Variants in DCP1B observed in about 807,000 individuals in gnomAD.
DCP1B encodes mRNA-decapping enzyme 1B.
In DCP1B, 47 loss-of-function variants were observed where a neutral mutation model predicts 60.5. The observed-to-expected ratio is 0.78, with a 90% confidence interval of 0.61 to 0.99. The LOEUF (loss-of-function observed/expected upper bound fraction) is 0.99, where lower values mean the gene tolerates loss of function less well. DCP1B is among the 50% of genes least tolerant of loss of function. DCP1B has a pLI of 0.00. For missense variants in DCP1B, 725 were observed against 756.8 expected (o/e 0.96, Z 0.49); for synonymous variants, 267 against 280.3 (o/e 0.95, Z 0.47).
chr12:1,959,742 G>A (rs1369717930), intron 5 of DCP1B, among the ~76,000 whole-genome samples: 3 of 152,110 alleles, frequency 2.0e-5, no homozygotes, highest in South Asian at 2.1e-4. Flanking sequence ...GGCGGATCAC[G>A]AGGTCAGCAG....
intron 2 of DCP1B, 86 bp from the exon 3 acceptor site, chr12:1,993,477 C>T: frequency 6.6e-7 from 1 of 1,509,550 alleles, no homozygotes; most frequent in Non-Finnish European, 8.9e-7. Flanking sequence ...TCTGATGTGT[C>T]TCTCAACCTT....
At chr12:1,978,954 A>G (rs1275439348) in intron 3 of DCP1B, among the ~76,000 whole-genome samples, 1 of 152,172 alleles carries the variant, frequency 6.6e-6, no homozygotes, top group Non-Finnish European at 1.5e-5. Flanking sequence ...TATCCAGGTT[A>G]TTACCAGAGT....
chr12:1,954,183 A>G lies in DCP1B; in HGVS notation c.652-895T>C, dbSNP rs1200887572. On this transcript the variant is annotated intron_variant, in intron 6 of 8. Transcript: ENST00000280665. ...GGTAACAGGAATGAAATCTGTCTCAAAAAAAAAAATAAAAGAGGAAAGAAA... is the reference window on the plus strand; with the variant it reads ...GGTAACAGGAATGAAATCTGTCTCAGAAAAAAAAATAAAAGAGGAAAGAAA... 5.3e-5 allele frequency among the ~76,000 whole-genome samples: 8 copies of G among 150,524 alleles called. No individual in the cohort carries two copies. The East Asian group carries it at 1.5e-3, about 29-fold the overall frequency.
intron 1 of DCP1B, 97 bp from the exon 2 acceptor site, chr12:1,998,072 T>C: frequency 9.6e-7 from 1 of 1,044,502 alleles, no homozygotes; most frequent in Non-Finnish European, 1.4e-6. Flanking sequence ...ATATATAACT[T>C]CAATGGGCCA....
chr12:1,952,814 G>A lies in DCP1B; in HGVS notation c.1126C>T (p.Pro376Ser), dbSNP rs1361100923. ...CGGTTCAGGGCAGCTGAGCTGGCAG[G>A]TGCTGGTGTACTAGGGTCACACTTG... ...ANKCDPSTPA[P>S]ASSAALNRSR... is the part of the protein sequence containing the mutation. Residue 376 changes from proline to serine, a missense_variant, in exon 7 of 9, where the codon CCT (proline) becomes TCT (serine). Transcript: ENST00000280665. 1 of 1,614,202 alleles carries A rather than the reference G, an allele frequency of 6.2e-7. No homozygotes were observed. The highest frequency in any genetic ancestry group is 1.7e-5 in the Admixed American group (1 of 60,032).
Position 1,946,143 on chromosome 12 carries a change from T to C in DCP1B, c.*63A>G. On this transcript the variant is annotated 3_prime_UTR_variant, in exon 9 of 9. Transcript: ENST00000280665. ...ACATTGAAGGAAACAACACTCAACA[T>C]GAAAGAACCTTGTGCCGGAGTTCTA... 1 of 1,293,194 alleles carries C rather than the reference T, an allele frequency of 7.7e-7. No individual in the cohort carries two copies. The highest frequency in any genetic ancestry group is 1.1e-6 in the Non-Finnish European group (1 of 944,632). 80.1% of individuals were successfully genotyped at this position (1,293,194 alleles called of 1,614,324 possible).
rs1051135680 is a variant in DCP1B at position 1,946,088 on chromosome 12, A to T, written c.*118T>A. The T allele has an allele frequency of 1.3e-6, 1 of 742,612 alleles. No individual in the cohort carries two copies. Among genetic ancestry groups the T allele is most frequent in the Non-Finnish European group, 2.1e-6 (1 of 477,282 alleles). 46.0% of individuals were successfully genotyped at this position (742,612 alleles called of 1,614,324 possible). A position where few individuals can be genotyped will look rare whatever the true frequency, so the allele number is the denominator to read the frequency against. The stretch of plus-strand genomic sequence containing the variant: ...AGTCTGAAACATTTTACTTCATATT[A>T]CACATACTTTTTTTTTAAAAAAGGC... On this transcript the variant is annotated 3_prime_UTR_variant, in exon 9 of 9. Transcript: ENST00000280665.
At chr12:1,950,091 A>AT in intron 7 of DCP1B, 1 of 510,500 alleles carries the variant, frequency 2.0e-6, no homozygotes, top group Non-Finnish European at 3.5e-6. Flanking sequence ...GAAGAAAAAG[A>AT]ATGTTATTTA....
intron 3 of DCP1B, among the ~76,000 whole-genome samples, chr12:1,979,367 T>G (rs2035434968): frequency 6.6e-6 from 1 of 152,036 alleles, no homozygotes. Flanking sequence ...CAGGCTGGAG[T>G]GCAGTGGTGC....
At chr12:1,986,539 A>G (rs551112639) in intron 3 of DCP1B, among the ~76,000 whole-genome samples, 3 of 152,322 alleles carry the variant, frequency 2.0e-5, no homozygotes, top group African/African-American at 7.2e-5. Flanking sequence ...TGCTACCACC[A>G]TGACCACCAC....
At chr12:1,965,949 C>T (rs2031280462) in intron 4 of DCP1B, 1 of 394,768 alleles carries the variant, frequency 2.5e-6, no homozygotes, top group African/African-American at 2.1e-5. Flanking sequence ...AAGAAAGTCA[C>T]AAACACAGCC....
chr12:1,945,464 C>T (rs1314197666), downstream of DCP1B, among the ~76,000 whole-genome samples: 1 of 152,064 alleles, frequency 6.6e-6, no homozygotes, highest in Non-Finnish European at 1.5e-5. Flanking sequence ...AATTATTACC[C>T]ATAACTAGGT....
rs2032273072 is a variant in DCP1B, at chr12:1,971,539, A to AT, written c.320-3630dup. Among the ~76,000 whole-genome samples, 1 of 152,210 alleles carries AT rather than the reference A, an allele frequency of 6.6e-6. No homozygotes were observed. Among genetic ancestry groups the AT allele is most frequent in the Non-Finnish European group, 1.5e-5 (1 of 68,036 alleles). On this transcript the variant is annotated intron_variant, in intron 3 of 8. Transcript: ENST00000280665. This position sits in a 1 kb window ranked among gnomAD's most constrained non-coding sequence, Gnocchi z 4.2. ...ATTTCCATATAGACTTCATGTCTGGATTTTTTAGGTCCACAAAGACAAGGC... is the reference window on the plus strand; with the variant it reads ...ATTTCCATATAGACTTCATGTCTGGATTTTTTTAGGTCCACAAAGACAAGGC...
intron 2 of DCP1B, among the ~76,000 whole-genome samples, chr12:1,995,763 A>G (rs1269508720): frequency 2.0e-5 from 3 of 152,098 alleles, no homozygotes; most frequent in Non-Finnish European, 4.4e-5. Context: ...TGGCCCTCAA[A>G]CCTAACCATA....
At chr12:2,002,426 T>C (rs1565889175) in intron 1 of DCP1B, among the ~76,000 whole-genome samples, 1 of 152,192 alleles carries the variant, frequency 6.6e-6, no homozygotes, top group Non-Finnish European at 1.5e-5. Context: ...AATGACCTTT[T>C]CCTGAATGAA....
chr12:2,003,210 A>G (rs2042594676), intron 1 of DCP1B, among the ~76,000 whole-genome samples: 1 of 152,172 alleles, frequency 6.6e-6, no homozygotes, highest in Non-Finnish European at 1.5e-5. Context: ...CTGCTGAACT[A>G]TACTGCAGAT....
chr12:1,996,638 A>T (rs886653265), intron 2 of DCP1B, among the ~76,000 whole-genome samples: 2 of 123,530 alleles, frequency 1.6e-5, no homozygotes, highest in Admixed American at 8.3e-5. Context: ...AAAAAAAAAA[A>T]AAAAAAAAAA....
intron 3 of DCP1B, among the ~76,000 whole-genome samples, chr12:1,977,736 G>A (rs1241380868): frequency 1.3e-5 from 2 of 152,044 alleles, no homozygotes; most frequent in Non-Finnish European, 2.9e-5. Context: ...CAGAGAAAAC[G>A]TTTTACAAAA....
chr12:1,959,833 G>A (rs1292993046), intron 5 of DCP1B, among the ~76,000 whole-genome samples: 6 of 151,976 alleles, frequency 3.9e-5, no homozygotes, highest in East Asian at 3.9e-4. Context: ...GGTGGAGGGC[G>A]CCTGTAGTCC....
Sources: gnomAD v4.1 joint callset for allele counts (sites outside exome capture counted in the v4.1 genomes callset) on GRCh38, gnomAD v4.1.1 for gene constraint, Gnocchi (gnomAD v3.1) non-coding constraint, MANE v1.5 for transcripts, NCBI Gene and HGNC (gene_info 2026-07-23, HGNC 2026-07-21) for gene names.